The following DLEU7 variants were observed in gnomAD, a reference collection of about 807,000 sequenced individuals.
DLEU7 encodes the protein deleted in lymphocytic leukemia 7, also known as leukemia-associated protein 7.
DLEU7 carries 17 observed loss-of-function variants against 16.0 expected under a neutral mutation model. That is an observed-to-expected ratio of 1.06 (90% CI 0.73 to 1.59). The LOEUF is 1.59. Ranked by LOEUF, DLEU7 falls within the 40% of genes most tolerant of loss-of-function variation. DLEU7 has a pLI of 0.00. For missense variants in DLEU7, 308 were observed against 314.9 expected, an observed-to-expected ratio of 0.98 and a Z score of 0.17; for synonymous variants, 113 against 139.8, an observed-to-expected ratio of 0.81 and a Z score of 1.35.
chr13:50,837,766 A>C (rs1229226417), intron 1 of DLEU7, among the ~76,000 whole-genome samples: 1 of 152,032 alleles, frequency 6.6e-6, no homozygotes, highest in African/African-American at 2.4e-5. Flanking sequence ...GATTATTATT[A>C]TTACCGTTAA....
chr13:50,812,736 TTACA>T (rs1376546492), intron 1 of DLEU7, among the ~76,000 whole-genome samples: 1 of 151,580 alleles, frequency 6.6e-6, no homozygotes, highest in African/African-American at 2.4e-5. Flanking sequence ...GTATAAATAG[TTACA>T]TATAGCTATA....
chr13:50,775,920 A>G (rs1013220887), intron 1 of DLEU7, among the ~76,000 whole-genome samples: 10 of 152,130 alleles, frequency 6.6e-5, no homozygotes, highest in Non-Finnish European at 8.8e-5. Flanking sequence ...CATGCATTAA[A>G]TCTTCCTCTA....
At chr13:50,811,104 C>T (rs1876549082) in intron 1 of DLEU7, among the ~76,000 whole-genome samples, 1 of 152,118 alleles carries the variant, frequency 6.6e-6, no homozygotes, top group African/African-American at 2.4e-5. Context: ...GCTGGAAGCA[C>T]CTACCAGGGA....
intron 1 of DLEU7, among the ~76,000 whole-genome samples, chr13:50,826,292 A>G (rs1265266048): frequency 6.6e-6 from 1 of 152,142 alleles, no homozygotes; most frequent in East Asian, 1.9e-4. Context: ...CCCAGGGGTT[A>G]GGGACCTGTG....
chr13:50,831,010 C>G (rs975579262), intron 1 of DLEU7, among the ~76,000 whole-genome samples: 24 of 151,632 alleles, frequency 1.6e-4, no homozygotes, highest in African/African-American at 2.7e-4. Context: ...GTCAAATTAG[C>G]TCATGGATAT....
At chr13:50,829,386 GA>G (rs1877190405) in intron 1 of DLEU7, among the ~76,000 whole-genome samples, 1 of 152,180 alleles carries the variant, frequency 6.6e-6, no homozygotes, top group Non-Finnish European at 1.5e-5. Context: ...CATGCAAGGG[GA>G]AATTCAAAAT....
chr13:50,818,315 A>G (rs1353449481), downstream of DLEU7, among the ~76,000 whole-genome samples: 1 of 152,174 alleles, frequency 6.6e-6, no homozygotes, highest in Non-Finnish European at 1.5e-5. Context: ...CATTGTTAGG[A>G]TGACCATCAC....
chr13:50,821,713 A>G (rs2137800454), downstream of DLEU7, among the ~76,000 whole-genome samples: 1 of 145,128 alleles, frequency 6.9e-6, no homozygotes, highest in Admixed American at 7.0e-5. Context: ...AAAAATGTTC[A>G]CTATTTCGTT....
intron 1 of DLEU7, among the ~76,000 whole-genome samples, chr13:50,737,137 T>TA: frequency 6.6e-6 from 1 of 152,190 alleles, no homozygotes; most frequent in African/African-American, 2.4e-5. Flanking sequence ...GTGAGGTCAA[T>TA]AAAACCTTAA....
intron 1 of DLEU7, among the ~76,000 whole-genome samples, chr13:50,737,471 G>C (rs1874107048): frequency 6.6e-6 from 1 of 152,044 alleles, no homozygotes; most frequent in African/African-American, 2.4e-5. Flanking sequence ...TTTCTCAACA[G>C]CGTGTGCTTG....
In DLEU7 at chr13:50,737,345, G is replaced by A. The variant is rs550290642; in HGVS notation, c.460-24105C>T. On this transcript the variant is annotated intron_variant, in intron 1 of 1. Transcript: ENST00000400393. The stretch of plus-strand genomic sequence containing the variant: ...AACATTTGAAATTTAACCTATTACA[G>A]GTATACCTCATTTTATTATGCTTCA... Among the ~76,000 whole-genome samples, 35 of 152,152 alleles carry A rather than the reference G, an allele frequency of 2.3e-4. No individual in the cohort carries two copies. The South Asian group carries it at 6.8e-3, about 30-fold the overall frequency.
chr13:50,716,869 T>G (rs1873453066), intron 1 of DLEU7, among the ~76,000 whole-genome samples: 1 of 152,218 alleles, frequency 6.6e-6, no homozygotes, highest in Admixed American at 6.5e-5. Flanking sequence ...CTGTTGACAA[T>G]AATTGCCTCT....
chr13:50,841,052 C>CA (rs1337975848), intron 1 of DLEU7, among the ~76,000 whole-genome samples: 1 of 152,154 alleles, frequency 6.6e-6, no homozygotes, highest in Admixed American at 6.5e-5. Context: ...GCTTCCAGAG[C>CA]AGAGGACACG....
intron 1 of DLEU7, among the ~76,000 whole-genome samples, chr13:50,784,336 G>C (rs1336721095): frequency 6.6e-6 from 1 of 152,142 alleles, no homozygotes; most frequent in African/African-American, 2.4e-5. Context: ...ATGGAAAAAT[G>C]CAGCTGGGCA....
downstream of DLEU7, chr13:50,711,779 G>GGGGGGGGGGCGGC (rs1555287138): frequency 6.6e-5 from 9 of 135,682 alleles, no homozygotes; most frequent in African/African-American, 2.8e-4. Flanking sequence ...TGGCGGGGGC[G>GGGGGGGGGGCGGC]GGGGGCATTA....
chr13:50,835,783 C>A (rs1877439338), intron 1 of DLEU7, among the ~76,000 whole-genome samples: 1 of 152,222 alleles, frequency 6.6e-6, no homozygotes, highest in Non-Finnish European at 1.5e-5. Context: ...GGAATGCACA[C>A]ATCTGGAATT....
intron 1 of DLEU7, among the ~76,000 whole-genome samples, chr13:50,732,590 G>C (rs1459858884): frequency 1.9e-5 from 2 of 103,970 alleles, no homozygotes; most frequent in Non-Finnish European, 3.5e-5. Flanking sequence ...CCAGGCAACA[G>C]TATGAGACTC....
At chr13:50,835,181 A>G (rs917652579) in intron 1 of DLEU7, among the ~76,000 whole-genome samples, 4 of 152,150 alleles carry the variant, frequency 2.6e-5, no homozygotes, top group Admixed American at 1.3e-4. Flanking sequence ...CTTAAAGTAT[A>G]ATAAAAAAAA....
intron 1 of DLEU7, among the ~76,000 whole-genome samples, chr13:50,750,753 G>A (rs959077309): frequency 6.6e-6 from 1 of 152,082 alleles, no homozygotes; most frequent in Non-Finnish European, 1.5e-5. Context: ...TGGTAACTGT[G>A]GTGTATAGAA....
Sources: gnomAD v4.1 joint callset for allele counts (sites outside exome capture counted in the v4.1 genomes callset) on GRCh38, gnomAD v4.1.1 for gene constraint, MANE v1.5 for transcripts, NCBI Gene and HGNC (gene_info 2026-07-23, HGNC 2026-07-21) for gene names.